PIK3C3: variants seen among roughly 807,000 people sequenced by gnomAD.
The protein encoded by PIK3C3 is phosphatidylinositol 3-kinase catalytic subunit type 3.
In PIK3C3, 95 loss-of-function variants were observed where a neutral mutation model predicts 126.1. That is an observed-to-expected ratio of 0.75 (90% CI 0.64 to 0.89). The LOEUF (loss-of-function observed/expected upper bound fraction) is 0.89. PIK3C3 is among the 40% of genes least tolerant of loss of function. PIK3C3 has a pLI of 0.00. For missense variants in PIK3C3, 829 were observed against 1,063.2 expected (o/e 0.78, Z 3.06); for synonymous variants, 374 against 360.0 (o/e 1.04, Z -0.44).
chr18:42,021,090 TA>T (rs766596675), intron 13 of PIK3C3, among the ~76,000 whole-genome samples: 26 of 152,216 alleles, frequency 1.7e-4, no homozygotes, highest in Non-Finnish European at 3.4e-4. Context: ...AATTAAAAGT[TA>T]CCTTATGGCA....
chr18:42,072,137 A>AT (rs1035488596), intron 24 of PIK3C3, among the ~76,000 whole-genome samples: 3 of 152,150 alleles, frequency 2.0e-5, no homozygotes, highest in African/African-American at 7.2e-5. Context: ...ACTGGCATCT[A>AT]TTTTTTTGTC....
intron 4 of PIK3C3, among the ~76,000 whole-genome samples, chr18:41,984,110 G>A (rs1981347432): frequency 6.6e-6 from 1 of 151,610 alleles, no homozygotes. Flanking sequence ...ATCCTAGTGA[G>A]GATTATTTCT....
intron 13 of PIK3C3, among the ~76,000 whole-genome samples, chr18:42,024,090 T>G (rs545398348): frequency 2.6e-4 from 40 of 152,326 alleles, no homozygotes; most frequent in Non-Finnish European, 3.2e-4. Flanking sequence ...AAGTAAACTT[T>G]GGCTGCTTTG....
chr18:42,004,555 T>C lies in PIK3C3; in HGVS notation c.1170+14T>C. On this transcript the variant is annotated intron_variant, in intron 10 of 24. Transcript: ENST00000262039. ...GCCGATGATGAGGTGCATTATTATTTATTATTCTGCTTCAATGGGTCATTT... is the reference window on the plus strand; with the variant it reads ...GCCGATGATGAGGTGCATTATTATTCATTATTCTGCTTCAATGGGTCATTT... 1 of 1,563,512 alleles carries C rather than the reference T, an allele frequency of 6.4e-7. No individual in the cohort carries two copies. Among genetic ancestry groups the C allele is most frequent in the Non-Finnish European group, 8.7e-7 (1 of 1,154,906 alleles).
intron 1 of PIK3C3, among the ~76,000 whole-genome samples, chr18:41,956,817 G>A (rs993695085): frequency 6.6e-6 from 1 of 152,162 alleles, no homozygotes; most frequent in Non-Finnish European, 1.5e-5. Flanking sequence ...CTGTGGATAA[G>A]GAGTTTAGTT....
intron 16 of PIK3C3, among the ~76,000 whole-genome samples, chr18:42,037,481 T>C (rs962304614): frequency 6.6e-6 from 1 of 152,222 alleles, no homozygotes; most frequent in African/African-American, 2.4e-5. Context: ...TTGCAGAGCT[T>C]GTGCGCTTTC....
chr18:41,963,988 T>C (rs1253417502), intron 3 of PIK3C3, among the ~76,000 whole-genome samples: 5 of 152,142 alleles, frequency 3.3e-5, no homozygotes, highest in African/African-American at 1.2e-4. Context: ...GGATTTTAAA[T>C]TATTATCTTG....
chr18:42,037,659 G>T, intron 16 of PIK3C3, 33 bp from the exon 17 acceptor site: 1 of 1,583,534 alleles, frequency 6.3e-7, no homozygotes, highest in Non-Finnish European at 8.6e-7. Context: ...TTAATTCATG[G>T]CCAAATTTGA....
chr18:42,076,250 TAC>T (rs1205977912), intron 24 of PIK3C3, among the ~76,000 whole-genome samples: 1 of 148,852 alleles, frequency 6.7e-6, no homozygotes, highest in East Asian at 2.0e-4. Context: ...TTCATACACA[TAC>T]ACACATACAT....
intron 6 of PIK3C3, 103 bp downstream of exon 6, chr18:41,990,657 A>G (rs1255242687): frequency 6.3e-6 from 4 of 638,868 alleles, no homozygotes; most frequent in Non-Finnish European, 1.1e-5. Context: ...GTTGCAGGGT[A>G]GCAGCAGACA....
intron 3 of PIK3C3, among the ~76,000 whole-genome samples, chr18:41,969,258 T>C (rs1007893593): frequency 1.3e-5 from 2 of 152,168 alleles, no homozygotes; most frequent in Admixed American, 6.5e-5. Context: ...GAGTAAGAAA[T>C]AACTTATTGA....
intron 14 of PIK3C3, among the ~76,000 whole-genome samples, chr18:42,027,918 A>G (rs1292223332): frequency 6.6e-6 from 1 of 152,192 alleles, no homozygotes; most frequent in Non-Finnish European, 1.5e-5. Flanking sequence ...GGCCTCCCAA[A>G]GTGCTGGCAT....
chr18:41,988,653 T>G (rs1357180793), intron 5 of PIK3C3, among the ~76,000 whole-genome samples: 2 of 152,154 alleles, frequency 1.3e-5, no homozygotes, highest in Non-Finnish European at 2.9e-5. Flanking sequence ...AAGAGAGAAG[T>G]TTTTAATTTT....
intron 7 of PIK3C3, 107 bp from the exon 8 acceptor site, chr18:41,995,783 C>A: frequency 1.3e-6 from 1 of 741,798 alleles, no homozygotes; most frequent in Non-Finnish European, 2.3e-6. Context: ...CAGAACAAAA[C>A]ATTAGATATT....
chr18:42,071,643 C>G (rs1356686896), intron 24 of PIK3C3, among the ~76,000 whole-genome samples: 1 of 151,598 alleles, frequency 6.6e-6, no homozygotes, highest in East Asian at 1.9e-4. Flanking sequence ...TCACTTGAAC[C>G]CAGGAGGCAG....
At chr18:42,076,239 A>G (rs559510366) in intron 24 of PIK3C3, among the ~76,000 whole-genome samples, 13 of 146,544 alleles carry the variant, frequency 8.9e-5, no homozygotes, top group Non-Finnish European at 1.8e-4. Flanking sequence ...TATATTACAT[A>G]TTCATACACA....
intron 5 of PIK3C3, among the ~76,000 whole-genome samples, chr18:41,988,869 A>G (rs1173263370): frequency 6.6e-6 from 1 of 152,156 alleles, no homozygotes; most frequent in African/African-American, 2.4e-5. Flanking sequence ...TACTCATAAT[A>G]CTAACTTATA....
chr18:42,017,065 G>GT (rs1215771759), intron 12 of PIK3C3, among the ~76,000 whole-genome samples: 2 of 152,080 alleles, frequency 1.3e-5, no homozygotes, highest in African/African-American at 4.8e-5. Context: ...CAGCTGAATA[G>GT]TTTTTTAGAG....
chr18:42,066,272 C>G (rs549296910), intron 23 of PIK3C3, among the ~76,000 whole-genome samples: 6 of 152,264 alleles, frequency 3.9e-5, no homozygotes, highest in Non-Finnish European at 7.4e-5. Context: ...CCTGGTATAC[C>G]TCCAGTACAG....
Sources: allele counts gnomAD v4.1 joint callset (sites outside exome capture counted in the v4.1 genomes callset), GRCh38; gene constraint gnomAD v4.1.1; transcripts MANE v1.5; gene names NCBI Gene and HGNC (gene_info 2026-07-23, HGNC 2026-07-21).